NELL2: variants seen among roughly 807,000 people sequenced by gnomAD.
The protein encoded by NELL2 is protein kinase C-binding protein NELL2.
A neutral mutation model predicts 109.6 loss-of-function variants in NELL2; 41 were observed. The ratio of observed to expected loss-of-function variants is 0.37; its 90% CI spans 0.29 to 0.49. NELL2 has a LOEUF of 0.49. Among genes scored for constraint, NELL2 ranks in the 20% least tolerant of loss-of-function variants. The pLI, the probability that NELL2 is intolerant of heterozygous loss-of-function variation, is 0.98. For missense variants in NELL2, 900 were observed against 1,008.3 expected, an observed-to-expected ratio of 0.89 and a Z score of 1.45; for synonymous variants, 355 against 344.7, an observed-to-expected ratio of 1.03 and a Z score of -0.33.
intron 9 of NELL2, among the ~76,000 whole-genome samples, chr12:44,747,288 G>A (rs186945154): frequency 3.3e-5 from 5 of 151,886 alleles, no homozygotes; most frequent in African/African-American, 4.8e-5. Flanking sequence ...ATCACACACC[G>A]GGGACTGTTG....
intron 15 of NELL2, among the ~76,000 whole-genome samples, chr12:44,571,378 G>T (rs1449008501): frequency 6.6e-6 from 1 of 152,164 alleles, no homozygotes. Flanking sequence ...CTAATATACT[G>T]TCTCAGCTCT....
chr12:44,583,178 G>A (rs558491270), intron 15 of NELL2, among the ~76,000 whole-genome samples: 3 of 152,304 alleles, frequency 2.0e-5, no homozygotes, highest in African/African-American at 7.2e-5. Flanking sequence ...GGAAGGTACG[G>A]TGGAAGAATG....
At chr12:44,682,152 A>G (rs1241573429) in intron 12 of NELL2, among the ~76,000 whole-genome samples, 1 of 149,770 alleles carries the variant, frequency 6.7e-6, no homozygotes, top group Non-Finnish European at 1.5e-5. Flanking sequence ...TTTGATTTGC[A>G]TTTCTCTGAT....
At chr12:44,739,985 T>C (rs767321630) in intron 9 of NELL2, among the ~76,000 whole-genome samples, 1 of 152,226 alleles carries the variant, frequency 6.6e-6, no homozygotes. Context: ...TTTCATGCTA[T>C]AAAGACAGAG....
intron 12 of NELL2, among the ~76,000 whole-genome samples, chr12:44,702,989 T>C (rs1036718295): frequency 2.0e-5 from 3 of 152,206 alleles, no homozygotes; most frequent in African/African-American, 7.2e-5. Flanking sequence ...CAAAACTTTC[T>C]CTGAATGCCC....
rs200853877 is a variant in NELL2, at chr12:44,685,482, G to A, written c.1318+18244C>T. ...ATGATATTAGCTGGTTATTTTGCTC[G>A]CTAGTTGATGCAGTTTCTTCCTAGT... On this transcript the variant is annotated intron_variant, in intron 12 of 19. Coordinates refer to ENST00000429094, the MANE Select transcript of NELL2 (RefSeq NM_001145108.2). 1.1e-3 allele frequency among the ~76,000 whole-genome samples: 172 copies of A among 151,712 alleles called. 5 individuals are homozygous for A. The East Asian group carries it at 0.027, about 24-fold the overall frequency.
At chr12:44,867,733 A>G (rs531905634) in intron 2 of NELL2, among the ~76,000 whole-genome samples, 11 of 152,282 alleles carry the variant, frequency 7.2e-5, no homozygotes, top group South Asian at 2.1e-4. Context: ...AATCCTGAAG[A>G]TGCCACCAAA....
At chr12:44,672,417 T>C (rs371050546) in intron 12 of NELL2, among the ~76,000 whole-genome samples, 1 of 152,146 alleles carries the variant, frequency 6.6e-6, no homozygotes, top group African/African-American at 2.4e-5. Context: ...TGCCTGATGA[T>C]CTGAGGTATA....
chr12:44,893,797 C>T (rs1592708417), intron 1 of NELL2, among the ~76,000 whole-genome samples: 1 of 152,312 alleles, frequency 6.6e-6, no homozygotes, highest in East Asian at 1.9e-4. Flanking sequence ...TTTCTTCCTG[C>T]CCTTAGGACA....
At chr12:44,735,165 T>G (rs568969753) in intron 9 of NELL2, among the ~76,000 whole-genome samples, 52 of 152,196 alleles carry the variant, frequency 3.4e-4, no homozygotes, top group Non-Finnish European at 6.2e-4. Context: ...TTTATCTTAC[T>G]TAATGAGCAC....
At chr12:44,671,010 T>C (rs1053738824) in intron 12 of NELL2, among the ~76,000 whole-genome samples, 1 of 152,156 alleles carries the variant, frequency 6.6e-6, no homozygotes, top group Non-Finnish European at 1.5e-5. Flanking sequence ...TACCGATACA[T>C]GGAAAGTTCT....
chr12:44,750,186 A>C (rs1014995383), intron 9 of NELL2, among the ~76,000 whole-genome samples: 1 of 152,168 alleles, frequency 6.6e-6, no homozygotes, highest in African/African-American at 2.4e-5. Context: ...ATTCTTCAAA[A>C]ATAAAGTTAA....
intron 3 of NELL2, among the ~76,000 whole-genome samples, chr12:44,803,497 T>C (rs1474242966): frequency 1.3e-5 from 2 of 151,880 alleles, no homozygotes; most frequent in Non-Finnish European, 2.9e-5. Context: ...AGATGGAGGG[T>C]GATGAAGCAA....
At chr12:44,527,570 T>C (rs1941842201) in intron 16 of NELL2, among the ~76,000 whole-genome samples, 1 of 152,118 alleles carries the variant, frequency 6.6e-6, no homozygotes. Flanking sequence ...CAAGTATGAG[T>C]CTTACACTTC....
At chr12:44,768,026 A>T (rs901456532) in intron 9 of NELL2, among the ~76,000 whole-genome samples, 2 of 152,228 alleles carry the variant, frequency 1.3e-5, no homozygotes, top group Non-Finnish European at 2.9e-5. Flanking sequence ...ACTAGCATAC[A>T]GGACACAGCA....
At chr12:44,657,703 CT>C (rs1268081346) in intron 13 of NELL2, among the ~76,000 whole-genome samples, 2 of 152,176 alleles carry the variant, frequency 1.3e-5, no homozygotes, top group Non-Finnish European at 2.9e-5. Context: ...TTGTTCAACA[CT>C]CACTTATGAA....
intron 3 of NELL2, among the ~76,000 whole-genome samples, chr12:44,788,906 AC>A (rs1331398505): frequency 6.6e-6 from 1 of 151,916 alleles, no homozygotes; most frequent in African/African-American, 2.4e-5. Context: ...CACTTCCCTA[AC>A]AACCTTCATG....
intron 1 of NELL2, among the ~76,000 whole-genome samples, chr12:44,910,198 G>A (rs753959889): frequency 2.6e-5 from 4 of 151,892 alleles, no homozygotes; most frequent in East Asian, 1.9e-4. Context: ...CCTATAGAAC[G>A]GGAGAAAATA....
chr12:44,526,239 G>A (rs1941768220), intron 16 of NELL2, among the ~76,000 whole-genome samples: 1 of 152,170 alleles, frequency 6.6e-6, no homozygotes, highest in Non-Finnish European at 1.5e-5. Context: ...TTGGAGCCAG[G>A]AGACCAGTTA....
Sources: gnomAD v4.1 joint callset for allele counts (sites outside exome capture counted in the v4.1 genomes callset) on GRCh38, gnomAD v4.1.1 for gene constraint, MANE v1.5 for transcripts, NCBI Gene and HGNC (gene_info 2026-07-23, HGNC 2026-07-21) for gene names.